Variants in ZFPM2 observed in about 807,000 individuals in gnomAD.
ZFPM2 encodes the protein zinc finger protein ZFPM2.
ZFPM2 carries 20 observed loss-of-function variants against 98.6 expected under a neutral mutation model. The observed-to-expected ratio is 0.20, with a 90% CI of 0.14 to 0.29. The LOEUF is 0.29. Among genes scored for constraint, ZFPM2 ranks in the 10% least tolerant of loss-of-function variants. ZFPM2 has a pLI of 1.00. For synonymous variants in ZFPM2, 518 were observed against 502.7 expected (o/e 1.03, Z -0.41); for missense variants, 1,310 against 1,388.6 (o/e 0.94, Z 0.90).
chr8:105,368,807 AGTGCCTG>A (rs2129801241), intron 1 of ZFPM2, among the ~76,000 whole-genome samples: 1 of 152,290 alleles, frequency 6.6e-6, no homozygotes, highest in South Asian at 2.1e-4. Flanking sequence ...AGCCCATCAG[AGTGCCTG>A]GTGCATAATA....
intron 5 of ZFPM2, among the ~76,000 whole-genome samples, chr8:105,651,130 A>G (rs1817164368): frequency 6.6e-6 from 1 of 151,986 alleles, no homozygotes; most frequent in South Asian, 2.1e-4. Flanking sequence ...GTCTCTCCAT[A>G]TATATAACTG....
intron 1 of ZFPM2, among the ~76,000 whole-genome samples, chr8:105,321,599 G>A (rs1278292551): frequency 2.7e-5 from 4 of 149,742 alleles, no homozygotes; most frequent in Non-Finnish European, 1.5e-5. Context: ...GTTGGGCACA[G>A]TTTTTTTTTT....
chr8:105,440,144 C>T (rs1812205998), intron 2 of ZFPM2, among the ~76,000 whole-genome samples: 3 of 152,128 alleles, frequency 2.0e-5, no homozygotes, highest in African/African-American at 7.2e-5. Flanking sequence ...TTAAATACTC[C>T]TCTAGTACTT....
At chr8:105,401,061 A>G (rs996104957) in intron 1 of ZFPM2, among the ~76,000 whole-genome samples, 1 of 151,872 alleles carries the variant, frequency 6.6e-6, no homozygotes, top group Non-Finnish European at 1.5e-5. Context: ...TTTGGTTTCT[A>G]CTTCTAGGAA....
chr8:105,663,495 A>G (rs1586182211), intron 5 of ZFPM2, among the ~76,000 whole-genome samples: 1 of 152,202 alleles, frequency 6.6e-6, no homozygotes, highest in African/African-American at 2.4e-5. Flanking sequence ...AGTGACAGAA[A>G]CATGAACATT....
chr8:105,741,772 A>AT (rs1491361121), intron 5 of ZFPM2, among the ~76,000 whole-genome samples: 1 of 152,060 alleles, frequency 6.6e-6, no homozygotes, highest in African/African-American at 2.4e-5. Context: ...GTAAAATGAG[A>AT]TAGGATTGCT....
intron 5 of ZFPM2, among the ~76,000 whole-genome samples, chr8:105,755,276 AAGG>A (rs1197834431): frequency 1.3e-5 from 2 of 152,134 alleles, no homozygotes; most frequent in Admixed American, 6.6e-5. Flanking sequence ...ACCCTTATGC[AAGG>A]AGAATAAAGC....
At chr8:105,776,001 A>AT (rs2131100104) in intron 5 of ZFPM2, among the ~76,000 whole-genome samples, 2 of 152,178 alleles carry the variant, frequency 1.3e-5, no homozygotes, top group East Asian at 3.9e-4. Flanking sequence ...CCTGATGACA[A>AT]TGACTCTGTT....
chr8:105,476,952 G>A (rs948486451), intron 3 of ZFPM2, among the ~76,000 whole-genome samples: 4 of 152,050 alleles, frequency 2.6e-5, no homozygotes, highest in African/African-American at 9.7e-5. Context: ...AGTCAGTCAG[G>A]AGATAGAGAT....
chr8:105,363,092 A>G (rs750898780), intron 1 of ZFPM2, among the ~76,000 whole-genome samples: 10 of 152,118 alleles, frequency 6.6e-5, no homozygotes, highest in Non-Finnish European at 8.8e-5. Flanking sequence ...TCACCTTTAC[A>G]TGGGTCAAGG....
chr8:105,600,031 T>C (rs1247120935), intron 4 of ZFPM2, among the ~76,000 whole-genome samples: 1 of 152,158 alleles, frequency 6.6e-6, no homozygotes, highest in Non-Finnish European at 1.5e-5. Context: ...CAGGAACTTG[T>C]GGAAATATTG....
chr8:105,800,994 TC>T, intron 7 of ZFPM2, 52 bp from the exon 8 acceptor site: 1 of 1,527,426 alleles, frequency 6.5e-7, no homozygotes, highest in East Asian at 2.3e-5. Flanking sequence ...TCCCTGTCAT[TC>T]AAAAACCAAC....
intron 3 of ZFPM2, among the ~76,000 whole-genome samples, chr8:105,490,285 T>G (rs567350881): frequency 6.6e-6 from 1 of 152,296 alleles, no homozygotes; most frequent in Non-Finnish European, 1.5e-5. Flanking sequence ...AGTTTAAAAT[T>G]TTATCAAATG....
chr8:105,692,090 C>T (rs1810898813), intron 5 of ZFPM2, among the ~76,000 whole-genome samples: 1 of 152,146 alleles, frequency 6.6e-6, no homozygotes, highest in Admixed American at 6.5e-5. Context: ...GAAACAGAAT[C>T]ATGAATCTAC....
At chr8:105,791,236 A>G (rs1813600508) in intron 6 of ZFPM2, among the ~76,000 whole-genome samples, 1 of 151,954 alleles carries the variant, frequency 6.6e-6, no homozygotes, top group Admixed American at 6.6e-5. Context: ...TTTGTCATAG[A>G]TAGCTCTTAT....
At chr8:105,396,271 A>G (rs1289770035) in intron 1 of ZFPM2, among the ~76,000 whole-genome samples, 2 of 152,160 alleles carry the variant, frequency 1.3e-5, no homozygotes, top group East Asian at 1.9e-4. Context: ...AACATTGACT[A>G]TAGGAGTGCT....
chr8:105,723,723 C>T (rs1042976803), intron 5 of ZFPM2, among the ~76,000 whole-genome samples: 8 of 151,792 alleles, frequency 5.3e-5, no homozygotes, highest in Admixed American at 4.6e-4. Context: ...TAAGGGCAGT[C>T]GTGATCATAA....
chr8:105,324,808 ATAACT>A (rs1189278038), intron 1 of ZFPM2, among the ~76,000 whole-genome samples: 9 of 151,980 alleles, frequency 5.9e-5, no homozygotes, highest in Non-Finnish European at 1.3e-4. Flanking sequence ...TTCCTTGAAA[ATAACT>A]TAATGTGTAT....
chr8:105,381,435 A>G (rs1810887247), intron 1 of ZFPM2, among the ~76,000 whole-genome samples: 1 of 152,106 alleles, frequency 6.6e-6, no homozygotes, highest in Non-Finnish European at 1.5e-5. Context: ...AATTTGAGTA[A>G]GATACCCAAA....
Sources: allele counts gnomAD v4.1 joint callset (sites outside exome capture counted in the v4.1 genomes callset), GRCh38; gene constraint gnomAD v4.1.1; transcripts MANE v1.5; gene names NCBI Gene and HGNC (gene_info 2026-07-23, HGNC 2026-07-21).